The following SLC24A3 variants were observed in gnomAD, a reference collection of about 807,000 sequenced individuals.
The protein encoded by SLC24A3 is solute carrier family 24 member 3.
A neutral mutation model predicts 75.8 loss-of-function variants in SLC24A3; 28 were observed. That is an observed-to-expected ratio of 0.37 (90% CI 0.27 to 0.51). The LOEUF is 0.51. SLC24A3 is among the 20% of genes least tolerant of loss of function. SLC24A3 has a pLI of 0.94. For synonymous variants in SLC24A3, 372 were observed against 334.1 expected, an observed-to-expected ratio of 1.11 and a Z score of -1.24; for missense variants, 663 against 847.8, an observed-to-expected ratio of 0.78 and a Z score of 2.71.
chr20:19,513,677 A>G (rs1160450041), intron 2 of SLC24A3, among the ~76,000 whole-genome samples: 1 of 151,318 alleles, frequency 6.6e-6, no homozygotes, highest in Admixed American at 6.6e-5. Context: ...TGTTTAAAGG[A>G]CCATACAAAA....
At chr20:19,648,999 A>G (rs1039488286) in intron 6 of SLC24A3, among the ~76,000 whole-genome samples, 1 of 152,232 alleles carries the variant, frequency 6.6e-6, no homozygotes, top group Non-Finnish European at 1.5e-5. Context: ...GAGGTCAAGG[A>G]CAGAATTACT....
At chr20:19,667,096 G>T (rs2032407773) in intron 8 of SLC24A3, among the ~76,000 whole-genome samples, 1 of 152,188 alleles carries the variant, frequency 6.6e-6, no homozygotes, top group African/African-American at 2.4e-5. Flanking sequence ...CTAACTCTTT[G>T]TTGGTGTGGG....
intron 2 of SLC24A3, among the ~76,000 whole-genome samples, chr20:19,325,264 A>AAAT (rs372287889): frequency 2.3e-4 from 35 of 150,584 alleles, no homozygotes; most frequent in Middle Eastern, 3.4e-3. Context: ...CTGCACTACA[A>AAAT]AATAATAATA....
intron 2 of SLC24A3, among the ~76,000 whole-genome samples, chr20:19,368,507 T>C (rs1985936778): frequency 6.6e-6 from 1 of 152,198 alleles, no homozygotes; most frequent in Non-Finnish European, 1.5e-5. Flanking sequence ...GAGTCTGGTG[T>C]GTGCCCTCTA....
At chr20:19,537,786 C>A (rs1485905008) in intron 3 of SLC24A3, among the ~76,000 whole-genome samples, 2 of 150,626 alleles carry the variant, frequency 1.3e-5, no homozygotes, top group East Asian at 2.0e-4. Flanking sequence ...GGACAAAAAA[C>A]CAAACACTGC....
chr20:19,273,375 G>A (rs1313785881), intron 1 of SLC24A3, among the ~76,000 whole-genome samples: 1 of 152,186 alleles, frequency 6.6e-6, no homozygotes, highest in Non-Finnish European at 1.5e-5. Context: ...GAACCCCACA[G>A]CCTCACATCA....
intron 6 of SLC24A3, among the ~76,000 whole-genome samples, chr20:19,622,561 C>G (rs1054747456): frequency 4.6e-5 from 7 of 152,124 alleles, no homozygotes; most frequent in African/African-American, 1.4e-4. Context: ...TCTGTGTCGA[C>G]TTTTGAGAAG....
intron 2 of SLC24A3, among the ~76,000 whole-genome samples, chr20:19,474,864 GC>G (rs1568628461): frequency 1.3e-5 from 2 of 152,030 alleles, no homozygotes; most frequent in Non-Finnish European, 2.9e-5. Flanking sequence ...GACCAACATT[GC>G]CCTATCCATT....
intron 6 of SLC24A3, among the ~76,000 whole-genome samples, chr20:19,591,018 C>CT (rs1305982815): frequency 3.9e-5 from 6 of 152,194 alleles, no homozygotes; most frequent in Admixed American, 3.3e-4. Context: ...CTCATAGTTT[C>CT]TTTTCTCTGG....
chr20:19,220,042 A>G (rs369877088), intron 1 of SLC24A3, among the ~76,000 whole-genome samples: 1 of 152,350 alleles, frequency 6.6e-6, no homozygotes, highest in South Asian at 2.1e-4. Flanking sequence ...ACTTGGGTAG[A>G]AACTCATCTT....
At chr20:19,572,362 G>T (rs1010180) in intron 3 of SLC24A3, among the ~76,000 whole-genome samples, 115,026 of 151,870 alleles carry the variant, frequency 0.76, 44,140 homozygotes, top group South Asian at 0.87. Flanking sequence ...AAGAAAAAAA[G>T]AAAAAAACAG....
At chr20:19,512,775 C>T (rs973688169) in intron 2 of SLC24A3, among the ~76,000 whole-genome samples, 2 of 152,182 alleles carry the variant, frequency 1.3e-5, no homozygotes, top group Non-Finnish European at 2.9e-5. Flanking sequence ...TTCCTGTGCT[C>T]CCTCGGTCCC....
chr20:19,521,347 A>C (rs1001711990), intron 3 of SLC24A3, among the ~76,000 whole-genome samples: 1 of 152,128 alleles, frequency 6.6e-6, no homozygotes, highest in Admixed American at 6.5e-5. Flanking sequence ...CCATGGGGTG[A>C]CCATCCCCTA....
At chr20:19,407,166 A>T (rs989678231) in intron 2 of SLC24A3, among the ~76,000 whole-genome samples, 5 of 152,312 alleles carry the variant, frequency 3.3e-5, no homozygotes, top group Admixed American at 3.3e-4. Context: ...TCCAGAGACG[A>T]TGGAGGCATC....
intron 2 of SLC24A3, among the ~76,000 whole-genome samples, chr20:19,507,350 A>G (rs189455656): frequency 1.3e-5 from 2 of 152,356 alleles, no homozygotes; most frequent in Admixed American, 1.3e-4. Flanking sequence ...AGGAGCAAGG[A>G]CCATATGCAT....
chr20:19,281,283 C>T (rs1290272934), intron 2 of SLC24A3, among the ~76,000 whole-genome samples, 196 bp downstream of exon 2: 1 of 152,278 alleles, frequency 6.6e-6, no homozygotes, highest in African/African-American at 2.4e-5. Flanking sequence ...TGTTCGTTTT[C>T]TACTGGAGCT....
chr20:19,706,183 A>G (rs2032927922), intron 15 of SLC24A3, among the ~76,000 whole-genome samples: 1 of 152,086 alleles, frequency 6.6e-6, no homozygotes, highest in South Asian at 2.1e-4. Context: ...CTCACCCCAC[A>G]CTGTCTGCCT....
At chr20:19,550,552 G>A (rs1191511461) in intron 3 of SLC24A3, among the ~76,000 whole-genome samples, 2 of 152,246 alleles carry the variant, frequency 1.3e-5, no homozygotes, top group African/African-American at 4.8e-5. Flanking sequence ...GTGAGTGTGT[G>A]TGTGTATACT....
intron 6 of SLC24A3, among the ~76,000 whole-genome samples, chr20:19,597,780 G>A (rs963932567): frequency 6.6e-6 from 1 of 152,142 alleles, no homozygotes; most frequent in African/African-American, 2.4e-5. Context: ...GCCTCCATGA[G>A]ATTAACTATT....
Sources: gnomAD v4.1 joint callset for allele counts (sites outside exome capture counted in the v4.1 genomes callset) on GRCh38, gnomAD v4.1.1 for gene constraint, MANE v1.5 for transcripts, NCBI Gene and HGNC (gene_info 2026-07-23, HGNC 2026-07-21) for gene names.